Variants in NIPBL observed in about 807,000 individuals in gnomAD.
NIPBL encodes the protein nipped-B-like protein.
A neutral mutation model predicts 321.8 loss-of-function variants in NIPBL; 19 were observed. The observed-to-expected ratio is 0.06, with a 90% CI of 0.04 to 0.09. The LOEUF is 0.09. NIPBL is among the 10% of genes least tolerant of loss of function. NIPBL has a pLI of 1.00. For missense variants in NIPBL, 2,210 were observed against 3,327.0 expected (o/e 0.66, Z 8.26); for synonymous variants, 1,106 against 1,114.1 (o/e 0.99, Z 0.14).
intron 1 of NIPBL, among the ~76,000 whole-genome samples, chr5:36,882,254 T>C (rs1449917974): frequency 6.6e-6 from 1 of 151,956 alleles, no homozygotes; most frequent in African/African-American, 2.4e-5. Flanking sequence ...CACTTGAAAC[T>C]TAGTTTAGGG....
intron 10 of NIPBL, 58 bp downstream of exon 10, chr5:36,986,359 A>C: frequency 8.5e-7 from 1 of 1,174,032 alleles, no homozygotes; most frequent in Non-Finnish European, 1.1e-6. Context: ...TGTTAAGATT[A>C]CTAAGTTTTA....
chr5:37,016,940 T>C (rs1749064269), intron 23 of NIPBL, 79 bp from the exon 24 acceptor site: 3 of 1,007,536 alleles, frequency 3.0e-6, no homozygotes, highest in East Asian at 5.5e-5. Context: ...ACAATTTAGA[T>C]TGGGAATTTA....
At chr5:36,957,564 A>T (rs1229531065) in intron 3 of NIPBL, among the ~76,000 whole-genome samples, 2 of 152,320 alleles carry the variant, frequency 1.3e-5, no homozygotes, top group South Asian at 2.1e-4. Context: ...TCAATAAAAT[A>T]GTGTTTTGGG....
At chr5:36,933,614 A>G (rs1410607415) in intron 1 of NIPBL, among the ~76,000 whole-genome samples, 2 of 152,102 alleles carry the variant, frequency 1.3e-5, no homozygotes, top group Non-Finnish European at 2.9e-5. Context: ...ATTTTTGATC[A>G]TTTAATTTTT....
intron 14 of NIPBL, 65 bp from the exon 15 acceptor site, chr5:37,002,597 C>A: frequency 1.8e-6 from 2 of 1,095,122 alleles, no homozygotes; most frequent in Non-Finnish European, 2.8e-6. Context: ...GAAAGTTAAG[C>A]TTGACATTTT....
intron 1 of NIPBL, among the ~76,000 whole-genome samples, chr5:36,911,452 C>G (rs1052877788): frequency 2.6e-5 from 4 of 152,114 alleles, no homozygotes; most frequent in Non-Finnish European, 5.9e-5. Context: ...AGGAAATATT[C>G]CCTGCTTTCC....
At chr5:37,029,058 C>G (rs1055506869) in intron 32 of NIPBL, among the ~76,000 whole-genome samples, 2 of 152,124 alleles carry the variant, frequency 1.3e-5, no homozygotes, top group Non-Finnish European at 2.9e-5. Flanking sequence ...AATTTTTAAT[C>G]TAGGAGACAA....
chr5:36,939,741 A>G, intron 1 of NIPBL, among the ~76,000 whole-genome samples: 1 of 152,188 alleles, frequency 6.6e-6, no homozygotes, highest in Non-Finnish European at 1.5e-5. Flanking sequence ...CCCATCATGG[A>G]AAGTGGAGGA....
At chr5:37,013,058 C>T (rs1748379728) in intron 21 of NIPBL, among the ~76,000 whole-genome samples, 1 of 151,484 alleles carries the variant, frequency 6.6e-6, no homozygotes, top group African/African-American at 2.4e-5. Context: ...CCCCCCACCT[C>T]CCTCCTGGAC....
chr5:36,900,284 GTATTC>G (rs1747100591), intron 1 of NIPBL, among the ~76,000 whole-genome samples: 2 of 152,112 alleles, frequency 1.3e-5, no homozygotes, highest in South Asian at 2.1e-4. Flanking sequence ...GGTATTATAA[GTATTC>G]TATTAATGAT....
intron 16 of NIPBL, among the ~76,000 whole-genome samples, chr5:37,004,147 T>G (rs1459644563): frequency 1.3e-5 from 2 of 152,160 alleles, no homozygotes; most frequent in Non-Finnish European, 2.9e-5. Context: ...ACACTTTAAC[T>G]TCTCAGTAAA....
At chr5:36,973,615 A>G (rs34697946) in intron 8 of NIPBL, among the ~76,000 whole-genome samples, 16,132 of 151,940 alleles carry the variant, frequency 0.11, 1,130 homozygotes, top group Admixed American at 0.19. Context: ...TTACAGGCAC[A>G]TGCCACCACG....
chr5:37,059,534 G>A (rs183793185), intron 44 of NIPBL, among the ~76,000 whole-genome samples: 31 of 151,954 alleles, frequency 2.0e-4, no homozygotes, highest in Non-Finnish European at 3.7e-4. Flanking sequence ...ATGAAACCCA[G>A]TTTTGTTTGC....
At chr5:37,015,124 T>C (rs1233974697) in intron 22 of NIPBL, among the ~76,000 whole-genome samples, 1 of 146,162 alleles carries the variant, frequency 6.8e-6, no homozygotes, top group Admixed American at 6.8e-5. Flanking sequence ...CCATATGAAT[T>C]TTTTTTTTTT....
intron 33 of NIPBL, 55 bp downstream of exon 33, chr5:37,036,542 A>G: frequency 1.4e-6 from 1 of 734,692 alleles, no homozygotes; most frequent in Non-Finnish European, 2.0e-6. Flanking sequence ...GATATTTTTA[A>G]ATATTTTGAG....
intron 21 of NIPBL, among the ~76,000 whole-genome samples, chr5:37,013,047 C>G (rs1462749392): frequency 4.6e-5 from 7 of 150,678 alleles, no homozygotes; most frequent in Non-Finnish European, 1.0e-4. Flanking sequence ...GGGGCTGACC[C>G]CCCCCCACCT....
At chr5:36,974,427 G>C (rs1418805285) in intron 8 of NIPBL, among the ~76,000 whole-genome samples, 2 of 152,038 alleles carry the variant, frequency 1.3e-5, no homozygotes, top group East Asian at 3.9e-4. Flanking sequence ...AAATACAAAG[G>C]CATAATGGTA....
chr5:36,927,993 T>G (rs1231516518), intron 1 of NIPBL, among the ~76,000 whole-genome samples: 1 of 152,058 alleles, frequency 6.6e-6, no homozygotes, highest in African/African-American at 2.4e-5. Context: ...CAGTGATTTT[T>G]TTTTTTTAAA....
chr5:37,035,443 T>C (rs1020560131), intron 32 of NIPBL, among the ~76,000 whole-genome samples: 16 of 152,260 alleles, frequency 1.1e-4, no homozygotes, highest in Non-Finnish European at 7.3e-5. Flanking sequence ...CTCTGGTTGC[T>C]GTCAGTTGTT....
Sources: allele counts gnomAD v4.1 joint callset (sites outside exome capture counted in the v4.1 genomes callset), GRCh38; gene constraint gnomAD v4.1.1; transcripts MANE v1.5; gene names NCBI Gene and HGNC (gene_info 2026-07-23, HGNC 2026-07-21).